The following NRXN1 variants were observed in gnomAD, a reference collection of about 807,000 sequenced individuals.
NRXN1 encodes neurexin 1.
In NRXN1, 39 loss-of-function variants were observed where a neutral mutation model predicts 150.9. The ratio of observed to expected loss-of-function variants is 0.26; its 90% CI spans 0.20 to 0.34. NRXN1 has a LOEUF of 0.34. Among genes scored for constraint, NRXN1 ranks in the 10% least tolerant of loss-of-function variants. NRXN1 has a pLI of 1.00. For synonymous variants in NRXN1, 924 were observed against 757.0 expected, an observed-to-expected ratio of 1.22 and a Z score of -3.62; for missense variants, 1,815 against 1,949.9, an observed-to-expected ratio of 0.93 and a Z score of 1.30.
At chr2:50,350,937 G>C (rs192321790) in intron 17 of NRXN1, among the ~76,000 whole-genome samples, 3 of 152,264 alleles carry the variant, frequency 2.0e-5, no homozygotes, top group African/African-American at 7.2e-5. Flanking sequence ...GGAGGTTCTA[G>C]GGTGTATGCT....
chr2:50,239,765 T>A (rs1281521643), intron 17 of NRXN1, among the ~76,000 whole-genome samples: 1 of 141,350 alleles, frequency 7.1e-6, no homozygotes, highest in South Asian at 2.2e-4. Context: ...AAGAAAAAGT[T>A]AATTGGATGT....
chr2:50,935,078 C>A (rs990492855), intron 2 of NRXN1, among the ~76,000 whole-genome samples: 16 of 152,094 alleles, frequency 1.1e-4, no homozygotes, highest in African/African-American at 3.9e-4. Context: ...AAGTCTATGA[C>A]CATTTTTCAA....
intron 15 of NRXN1, among the ~76,000 whole-genome samples, chr2:50,488,829 A>G (rs1485147054): frequency 6.6e-6 from 1 of 152,234 alleles, no homozygotes; most frequent in Non-Finnish European, 1.5e-5. Flanking sequence ...ATGGCTGACA[A>G]AGACAGCTCT....
intron 5 of NRXN1, among the ~76,000 whole-genome samples, chr2:50,856,078 A>C (rs1194710517): frequency 2.0e-5 from 3 of 150,330 alleles, no homozygotes; most frequent in Non-Finnish European, 4.4e-5. Flanking sequence ...AATGCATTGC[A>C]TGAGACCTTT....
intron 17 of NRXN1, among the ~76,000 whole-genome samples, chr2:50,376,042 T>C (rs1300995527): frequency 2.1e-5 from 3 of 143,416 alleles, no homozygotes; most frequent in Non-Finnish European, 3.0e-5. Flanking sequence ...AATACATATA[T>C]ATATACACAC....
chr2:50,016,096 T>G (rs1351469084), intron 21 of NRXN1, among the ~76,000 whole-genome samples: 1 of 152,188 alleles, frequency 6.6e-6, no homozygotes, highest in Non-Finnish European at 1.5e-5. Flanking sequence ...TATTTTATTT[T>G]TTATTTTAAC....
chr2:50,694,259 G>C (rs892659197), intron 5 of NRXN1, among the ~76,000 whole-genome samples: 1 of 152,134 alleles, frequency 6.6e-6, no homozygotes, highest in Non-Finnish European at 1.5e-5. Flanking sequence ...AAAGATTCCA[G>C]AAATTTGAGG....
intron 2 of NRXN1, among the ~76,000 whole-genome samples, chr2:50,990,144 T>G (rs1032079625): frequency 6.6e-6 from 1 of 152,028 alleles, no homozygotes; most frequent in Non-Finnish European, 1.5e-5. Flanking sequence ...TTGATCTTTT[T>G]TACATTGTGT....
intron 17 of NRXN1, among the ~76,000 whole-genome samples, chr2:50,284,315 T>G (rs2071834373): frequency 6.6e-6 from 1 of 152,192 alleles, no homozygotes; most frequent in African/African-American, 2.4e-5. Flanking sequence ...TCTCCTCCCT[T>G]TGCCTAATGA....
rs572560292 is a variant in NRXN1 at position 51,010,970 on chromosome 2, G to A, written c.772+16532C>T. On this transcript the variant is annotated intron_variant, in intron 2 of 22. Coordinates refer to ENST00000401669, the MANE Select transcript of NRXN1 (RefSeq NM_001330078.2). ...TAATTTTTAAAAATGTTTTTGTATC[G>A]CGCTTTTTGCCTGGGCTGGTCTCAA... Among the ~76,000 whole-genome samples the A allele has an allele frequency of 7.2e-5, 11 of 151,820 alleles. No homozygotes were observed. The South Asian group carries it at 1.9e-3, about 26-fold the overall frequency.
intron 19 of NRXN1, among the ~76,000 whole-genome samples, chr2:50,062,713 A>G (rs1329690294): frequency 6.6e-6 from 1 of 152,190 alleles, no homozygotes; most frequent in Non-Finnish European, 1.5e-5. Flanking sequence ...ATAACTATCG[A>G]TCAGTAGAGA....
chr2:50,311,950 T>C (rs1410030116), intron 17 of NRXN1, among the ~76,000 whole-genome samples: 1 of 152,106 alleles, frequency 6.6e-6, no homozygotes. Flanking sequence ...GGTTTAATCA[T>C]GAAAAGCTAT....
intron 19 of NRXN1, among the ~76,000 whole-genome samples, chr2:50,078,300 A>T (rs1186180057): frequency 4.0e-5 from 6 of 151,668 alleles, no homozygotes; most frequent in African/African-American, 1.2e-4. Flanking sequence ...ATGTTTAATT[A>T]TTTTTTTCTG....
At chr2:50,263,289 A>C (rs1398488410) in intron 17 of NRXN1, among the ~76,000 whole-genome samples, 1 of 151,896 alleles carries the variant, frequency 6.6e-6, no homozygotes, top group Non-Finnish European at 1.5e-5. Flanking sequence ...TCAGATTTGA[A>C]AGTTCTGCCC....
At chr2:50,643,708 T>G (rs1205084694) in intron 5 of NRXN1, among the ~76,000 whole-genome samples, 3 of 151,928 alleles carry the variant, frequency 2.0e-5, no homozygotes, top group East Asian at 1.9e-4. Flanking sequence ...AAACTCTGTA[T>G]GTACTTACAT....
At position 50,611,492 on chromosome 2, in the gene NRXN1, C is replaced by T. The variant is rs144465831; in HGVS notation, c.1320+8530G>A. ...AGCTGGGTTCCATTTCCTTGGGGACCTGAGCAGATGGGACTCCCTGAATCC... is the reference window on the plus strand; with the variant it reads ...AGCTGGGTTCCATTTCCTTGGGGACTTGAGCAGATGGGACTCCCTGAATCC... On this transcript the variant is annotated intron_variant, in intron 8 of 22. Coordinates refer to ENST00000401669, the MANE Select transcript of NRXN1 (RefSeq NM_001330078.2). Among the ~76,000 whole-genome samples the T allele has an allele frequency of 5.3e-5, 8 of 152,228 alleles. No individual in the cohort carries two copies. In the East Asian group the frequency reaches 1.5e-3, roughly 29 times the overall value.
chr2:50,395,061 T>C (rs769350775), intron 17 of NRXN1, among the ~76,000 whole-genome samples: 1 of 152,090 alleles, frequency 6.6e-6, no homozygotes, highest in Non-Finnish European at 1.5e-5. Flanking sequence ...CTTTTTCCCA[T>C]TTCCCTGCTA....
At chr2:50,282,638 T>TA (rs1558447148) in intron 17 of NRXN1, among the ~76,000 whole-genome samples, 1 of 152,132 alleles carries the variant, frequency 6.6e-6, no homozygotes, top group East Asian at 1.9e-4. Flanking sequence ...ACATAAATGG[T>TA]ATAGTTTGGG....
At chr2:50,322,634 C>A (rs1414750394) in intron 17 of NRXN1, among the ~76,000 whole-genome samples, 1 of 152,140 alleles carries the variant, frequency 6.6e-6, no homozygotes, top group Non-Finnish European at 1.5e-5. Flanking sequence ...CGCATTCATT[C>A]CTTGCCTTCA....
Sources: gnomAD v4.1 joint callset for allele counts (sites outside exome capture counted in the v4.1 genomes callset) on GRCh38, gnomAD v4.1.1 for gene constraint, MANE v1.5 for transcripts, NCBI Gene and HGNC (gene_info 2026-07-23, HGNC 2026-07-21) for gene names.